Variants in TEX26 observed in about 807,000 individuals in gnomAD.
TEX26 encodes the protein testis expressed 26.
A neutral mutation model predicts 35.3 loss-of-function variants in TEX26; 34 were observed. The ratio of observed to expected loss-of-function variants is 0.96; its 90% CI spans 0.73 to 1.28. The LOEUF (loss-of-function observed/expected upper bound fraction) is 1.28. TEX26 is among the 50% of genes most tolerant of loss of function. The probability of loss-of-function intolerance (pLI) is 0.00; values close to 1 mark genes in which losing one functional copy is unlikely to be tolerated. For missense variants in TEX26, 371 were observed against 330.1 expected (o/e 1.12, Z -0.96); for synonymous variants, 136 against 111.8 (o/e 1.22, Z -1.36).
chr13:30,966,089 A>G, intron 4 of TEX26, 133 bp from the exon 5 acceptor site: 1 of 901,126 alleles, frequency 1.1e-6, no homozygotes, highest in Non-Finnish European at 1.7e-6. Context: ...GTGACTGACA[A>G]AGCAGAAAAT....
At chr13:30,947,576 C>T (rs1953758381) in intron 2 of TEX26, among the ~76,000 whole-genome samples, 2 of 151,988 alleles carry the variant, frequency 1.3e-5, no homozygotes, top group African/African-American at 2.4e-5. Context: ...TTGAGTTATT[C>T]CCTGTCTCAG....
At chr13:30,951,460 C>T (rs1953918830) in intron 2 of TEX26, among the ~76,000 whole-genome samples, 1 of 151,594 alleles carries the variant, frequency 6.6e-6, no homozygotes, top group Admixed American at 6.6e-5. Context: ...ATGTTTTTTT[C>T]TAACTTCCTA....
At position 30,932,777 on chromosome 13, in the gene TEX26, G is replaced by C; in HGVS notation, c.61+1G>C. The C allele has an allele frequency of 1.9e-6, 3 of 1,613,992 alleles. No homozygotes were observed. Among genetic ancestry groups the C allele is most frequent in the Non-Finnish European group, 2.5e-6 (3 of 1,179,992 alleles). ...CTCTGCCACCACAACCTCCAGCCAA[G>C]TAAGACAGCAGACTCTGCCGGTCTG... On this transcript the variant is annotated splice_donor_variant, in intron 1 of 6. Transcript: ENST00000380473. LOFTEE classifies it high-confidence loss of function.
chr13:30,954,960 C>A (rs947823471), intron 3 of TEX26, among the ~76,000 whole-genome samples: 4 of 152,306 alleles, frequency 2.6e-5, no homozygotes, highest in South Asian at 4.1e-4. Context: ...TGTTCACATG[C>A]CAGATGGCAG....
At chr13:30,973,380 T>C (rs955070925) in intron 6 of TEX26, 2 of 151,948 alleles carry the variant, frequency 1.3e-5, no homozygotes, top group Non-Finnish European at 2.9e-5. Context: ...AAGTAGGGAG[T>C]GTTGACTGGG....
rs373552640 is a variant in TEX26 at position 30,975,122 on chromosome 13, A to G, written c.*215A>G. 1.5e-4 allele frequency: 52 copies of G among 346,796 alleles called. No individual in the cohort carries two copies. Among genetic ancestry groups the G allele is most frequent in the East Asian group, 1.0e-3 (22 of 21,554 alleles). 21.5% of individuals were successfully genotyped at this position (346,796 alleles called of 1,614,324 possible). A position where few individuals can be genotyped will look rare whatever the true frequency, so the allele number is the denominator to read the frequency against. ...CTGAACATAGCTTTAGCTGTATCCA[A>G]TAGTTTTTGATACAATGTTTTTTTC... On this transcript the variant is annotated 3_prime_UTR_variant, in exon 7 of 7. Coordinates refer to ENST00000380473, the MANE Select transcript of TEX26 (RefSeq NM_152325.3).
At chr13:30,951,826 C>A (rs1236156498) in intron 2 of TEX26, among the ~76,000 whole-genome samples, 1 of 151,618 alleles carries the variant, frequency 6.6e-6, no homozygotes, top group African/African-American at 2.4e-5. Flanking sequence ...CTCCAATTGT[C>A]TCATAACTTT....
At chr13:30,952,001 A>ATTT (rs751918742) in intron 2 of TEX26, among the ~76,000 whole-genome samples, 2 of 50,712 alleles carry the variant, frequency 3.9e-5, no homozygotes, top group African/African-American at 2.0e-4. Flanking sequence ...TTATTCTGGG[A>ATTT]TTTTTTTTTT....
In TEX26 at chr13:30,974,851, C is replaced by A; in HGVS notation, c.814C>A (p.Gln272Lys). ...TTTTTCTTCATACTTTTCAGATAGACAAATTATTGATCGCTTTATTCGTAC... is the reference window on the plus strand; with the variant it reads ...TTTTTCTTCATACTTTTCAGATAGAAAAATTATTGATCGCTTTATTCGTAC... ...YLQSLSYKDRQIIDRFIRTHC... is the reference protein window; with the variant it reads ...YLQSLSYKDRKIIDRFIRTHC... Residue 272 changes from glutamine (Q) to lysine (K), a missense_variant, in exon 7 of 7, where the codon CAA (glutamine) becomes AAA (lysine). By Grantham distance (53) the Gln-to-Lys change is moderately conservative (BLOSUM62 1). Coordinates refer to ENST00000380473, the MANE Select transcript of TEX26 (RefSeq NM_152325.3). 1 of 1,553,910 alleles carries A rather than the reference C, an allele frequency of 6.4e-7. No individual in the cohort carries two copies.
intron 5 of TEX26, among the ~76,000 whole-genome samples, chr13:30,968,130 C>T (rs1386282290): frequency 6.6e-6 from 1 of 152,084 alleles, no homozygotes; most frequent in East Asian, 1.9e-4. Flanking sequence ...GGAGAAAAGG[C>T]ATATAAATTT....
intron 3 of TEX26, among the ~76,000 whole-genome samples, chr13:30,954,560 G>A (rs1442654204): frequency 2.0e-5 from 3 of 151,888 alleles, no homozygotes; most frequent in African/African-American, 7.2e-5. Flanking sequence ...TTGAACTCAA[G>A]TGATGCTCCC....
intron 5 of TEX26, among the ~76,000 whole-genome samples, chr13:30,967,242 T>G (rs1373353319): frequency 6.6e-6 from 1 of 152,146 alleles, no homozygotes; most frequent in Non-Finnish European, 1.5e-5. Flanking sequence ...AAGTAGCACT[T>G]GAGACAATAA....
intron 1 of TEX26, among the ~76,000 whole-genome samples, chr13:30,934,355 C>T (rs1180695887): frequency 6.6e-6 from 1 of 152,078 alleles, no homozygotes; most frequent in African/African-American, 2.4e-5. Flanking sequence ...AGGTTTGGTC[C>T]GAAATAGGAT....
chr13:30,959,325 C>T (rs1049231307), intron 4 of TEX26, among the ~76,000 whole-genome samples: 1 of 152,138 alleles, frequency 6.6e-6, no homozygotes, highest in East Asian at 1.9e-4. Context: ...ACTATTTCTT[C>T]TTATGTGATT....
At chr13:30,935,873 A>G (rs1160707374) in intron 1 of TEX26, among the ~76,000 whole-genome samples, 2 of 152,270 alleles carry the variant, frequency 1.3e-5, no homozygotes, top group African/African-American at 4.8e-5. Context: ...AGAGTTTTCC[A>G]GCCAGAAAAA....
At chr13:30,974,229 C>A (rs1954811756) in intron 6 of TEX26, among the ~76,000 whole-genome samples, 2 of 147,658 alleles carry the variant, frequency 1.4e-5, no homozygotes, top group African/African-American at 2.5e-5. Flanking sequence ...GAAATGGAGG[C>A]CAGGGAGGGG....
At chr13:30,961,794 G>GCT (rs1243426171) in intron 4 of TEX26, among the ~76,000 whole-genome samples, 10 of 152,186 alleles carry the variant, frequency 6.6e-5, no homozygotes, top group Admixed American at 5.9e-4. Context: ...TGTGGATTCT[G>GCT]CTCTCTCTCT....
chr13:30,933,025 A>C, intron 1 of TEX26: 1 of 425,568 alleles, frequency 2.3e-6, no homozygotes, highest in Non-Finnish European at 4.2e-6. Flanking sequence ...TAAACACTCG[A>C]GGAAGTGCCT....
At chr13:30,955,269 A>T (rs1954084855) in intron 3 of TEX26, among the ~76,000 whole-genome samples, 1 of 152,234 alleles carries the variant, frequency 6.6e-6, no homozygotes, top group Non-Finnish European at 1.5e-5. Flanking sequence ...GTGGGGCCAC[A>T]GGTTGGACAA....
Sources: allele counts gnomAD v4.1 joint callset (sites outside exome capture counted in the v4.1 genomes callset), GRCh38; gene constraint gnomAD v4.1.1; transcripts MANE v1.5; gene names NCBI Gene and HGNC (gene_info 2026-07-23, HGNC 2026-07-21).